The following DLGAP2 variants were observed in gnomAD, a reference collection of about 807,000 sequenced individuals.
DLGAP2 encodes the protein DLG associated protein 2, also known as disks large-associated protein 2.
Under a neutral mutation model 100.3 loss-of-function variants are expected in DLGAP2, and 26 were observed. The ratio of observed to expected loss-of-function variants is 0.26; its 90% CI spans 0.19 to 0.36. DLGAP2 has a LOEUF of 0.36. DLGAP2 is among the 10% of genes least tolerant of loss of function. The pLI is 1.00. For missense variants in DLGAP2, 1,858 were observed against 1,453.2 expected, an observed-to-expected ratio of 1.28 and a Z score of -4.53; for synonymous variants, 886 against 630.1, an observed-to-expected ratio of 1.41 and a Z score of -6.08.
chr8:1,025,275 A>C (rs894469867), intron 2 of DLGAP2, among the ~76,000 whole-genome samples: 31 of 152,114 alleles, frequency 2.0e-4, no homozygotes, highest in Middle Eastern at 3.4e-3. Context: ...CACTCCCCCG[A>C]CCTGGATCCC....
At chr8:1,424,138 A>C (rs1797176353) in intron 3 of DLGAP2, among the ~76,000 whole-genome samples, 1 of 152,262 alleles carries the variant, frequency 6.6e-6, no homozygotes, top group Non-Finnish European at 1.5e-5. Flanking sequence ...ACATGGGTGA[A>C]GGAACACAGA....
chr8:1,403,630 T>C (rs1247840880), intron 3 of DLGAP2, among the ~76,000 whole-genome samples: 26 of 4,712 alleles, frequency 5.5e-3, no homozygotes, highest in Non-Finnish European at 7.2e-3. Context: ...TACTGAGCGC[T>C]CCCTCCTTGT....
chr8:1,516,962 C>T (rs1272084662), intron 4 of DLGAP2, among the ~76,000 whole-genome samples: 1 of 152,218 alleles, frequency 6.6e-6, no homozygotes, highest in African/African-American at 2.4e-5. Flanking sequence ...ACCTCATCCA[C>T]TGTCTCAGGC....
chr8:1,429,465 T>G (rs1456940484), intron 3 of DLGAP2, among the ~76,000 whole-genome samples: 5 of 152,106 alleles, frequency 3.3e-5, no homozygotes, highest in Admixed American at 2.0e-4. Flanking sequence ...CTAAACAAAG[T>G]ACAGGAGACA....
intron 1 of DLGAP2, among the ~76,000 whole-genome samples, chr8:890,017 G>C (rs926989353): frequency 6.6e-6 from 1 of 152,124 alleles, no homozygotes; most frequent in Non-Finnish European, 1.5e-5. Context: ...CCTTCCCCGT[G>C]TGTTTCTCGG....
chr8:1,695,680 G>A (rs1489186395), intron 13 of DLGAP2, among the ~76,000 whole-genome samples: 1 of 152,274 alleles, frequency 6.6e-6, no homozygotes, highest in Admixed American at 6.5e-5. Flanking sequence ...CAGAAAGAGG[G>A]GATGTTCTTA....
Position 867,699 on chromosome 8 carries a change from C to A in DLGAP2, c.19-40213C>A, listed in dbSNP as rs980952597. On this transcript the variant is annotated intron_variant, in intron 1 of 14. Transcript: ENST00000637795. ...GTGAGACATTGCTGTCACCTGGCCACCTGTGCTTTCTGCTGTGGTAGTGGA... is the reference window on the plus strand; with the variant it reads ...GTGAGACATTGCTGTCACCTGGCCAACTGTGCTTTCTGCTGTGGTAGTGGA... Among the ~76,000 whole-genome samples the A allele has an allele frequency of 1.7e-4, 26 of 152,186 alleles. 1 individual carries two copies.
Position 946,132 on chromosome 8 carries a change from C to T in DLGAP2, c.73+38166C>T, listed in dbSNP as rs992719300. Reference sequence around the variant, plus strand: ...ATTGCAGGAAGGCTCTGGGAAGCTGCGCTTGGGCAAACCCTTAGCGTGACC... The same window carrying T: ...ATTGCAGGAAGGCTCTGGGAAGCTGTGCTTGGGCAAACCCTTAGCGTGACC... On this transcript the variant is annotated intron_variant, in intron 2 of 14. Transcript: ENST00000637795. Among the ~76,000 whole-genome samples, 5 of 152,208 alleles carry T rather than the reference C, an allele frequency of 3.3e-5. No homozygotes were observed. The East Asian group carries it at 5.8e-4, about 18-fold the overall frequency.
At chr8:1,667,799 C>T (rs1386523757) in intron 8 of DLGAP2, among the ~76,000 whole-genome samples, 6 of 152,220 alleles carry the variant, frequency 3.9e-5, no homozygotes, top group East Asian at 1.9e-4. Flanking sequence ...ACATGACCTG[C>T]GTAGAAATGA....
intron 1 of DLGAP2, among the ~76,000 whole-genome samples, chr8:784,003 G>A (rs1029063422): frequency 5.9e-5 from 9 of 152,260 alleles, no homozygotes; most frequent in South Asian, 2.1e-4. Context: ...GAGGGCCATC[G>A]CCAGAATAAC....
At chr8:1,022,741 A>T (rs1367806211) in intron 2 of DLGAP2, among the ~76,000 whole-genome samples, 1 of 149,120 alleles carries the variant, frequency 6.7e-6, no homozygotes, top group Non-Finnish European at 1.5e-5. Context: ...TAGATGCTCC[A>T]ACCACAATCC....
chr8:914,304 G>A (rs1798547320), intron 2 of DLGAP2, among the ~76,000 whole-genome samples: 1 of 152,156 alleles, frequency 6.6e-6, no homozygotes, highest in Admixed American at 6.5e-5. Flanking sequence ...CATGGGCTGG[G>A]GCGCTCTTTT....
chr8:1,682,682 C>G (rs577997931), intron 12 of DLGAP2, among the ~76,000 whole-genome samples: 1 of 151,334 alleles, frequency 6.6e-6, no homozygotes, highest in Non-Finnish European at 1.5e-5. Context: ...CCATGTTGGC[C>G]AGGATAATCG....
intron 3 of DLGAP2, among the ~76,000 whole-genome samples, chr8:1,316,103 C>G (rs71516170): frequency 1.1e-5 from 1 of 88,840 alleles, no homozygotes; most frequent in East Asian, 3.5e-4. Flanking sequence ...ACACTCGAGA[C>G]ACTCGGCAGC....
chr8:1,670,230 T>C (rs1184928605), intron 10 of DLGAP2, among the ~76,000 whole-genome samples: 1 of 152,224 alleles, frequency 6.6e-6, no homozygotes, highest in Non-Finnish European at 1.5e-5. Context: ...GTACCGACTT[T>C]ATCTGAAATG....
chr8:776,304 C>T (rs1458122746), intron 1 of DLGAP2, among the ~76,000 whole-genome samples: 1 of 152,000 alleles, frequency 6.6e-6, no homozygotes, highest in Admixed American at 6.6e-5. Flanking sequence ...GAAACCAGCT[C>T]CTGGATTCAT....
intron 1 of DLGAP2, among the ~76,000 whole-genome samples, chr8:814,984 C>T (rs1208462316): frequency 6.6e-6 from 1 of 151,586 alleles, no homozygotes; most frequent in African/African-American, 2.4e-5. Context: ...AAAGAAATTT[C>T]CTAGTGTTAA....
intron 2 of DLGAP2, among the ~76,000 whole-genome samples, chr8:1,115,313 T>C (rs1161232180): frequency 6.6e-6 from 1 of 152,192 alleles, no homozygotes; most frequent in African/African-American, 2.4e-5. Flanking sequence ...TATTATTGTG[T>C]GGGAGTCTTT....
chr8:1,185,635 C>T (rs1268227161), intron 2 of DLGAP2, among the ~76,000 whole-genome samples: 1 of 152,020 alleles, frequency 6.6e-6, no homozygotes. Flanking sequence ...AAGGACCACA[C>T]AATTCCAAAA....
Sources: allele counts gnomAD v4.1 joint callset (sites outside exome capture counted in the v4.1 genomes callset), GRCh38; gene constraint gnomAD v4.1.1; transcripts MANE v1.5; gene names NCBI Gene and HGNC (gene_info 2026-07-23, HGNC 2026-07-21).